KHDRBS3: variants seen among roughly 807,000 people sequenced by gnomAD.
The protein encoded by KHDRBS3 is KH RNA binding domain containing, signal transduction associated 3.
KHDRBS3 carries 23 observed loss-of-function variants against 45.6 expected under a neutral mutation model. The ratio of observed to expected loss-of-function variants is 0.50; its 90% CI spans 0.36 to 0.72. The LOEUF (loss-of-function observed/expected upper bound fraction) is 0.72. Ranked by LOEUF, KHDRBS3 falls within the 30% of genes least tolerant of loss-of-function variation. KHDRBS3 has a pLI of 0.00. For synonymous variants in KHDRBS3, 162 were observed against 156.5 expected (o/e 1.04, Z -0.26); for missense variants, 352 against 424.8 (o/e 0.83, Z 1.51).
In KHDRBS3 at chr8:135,545,647, G is replaced by GTA. The variant is rs138569478; in HGVS notation, c.324+2878_324+2879dup. ...GGCTCTTTGGGCTTGAACTGATAAT[G>GTA]TAAAGCCCCAGTCTGTCATTTTCTC... On this transcript the variant is annotated intron_variant, in intron 3 of 8. Coordinates refer to ENST00000355849, the MANE Select transcript of KHDRBS3 (RefSeq NM_006558.3). Among the ~76,000 whole-genome samples the GTA allele has an allele frequency of 2.7e-3, 417 of 152,224 alleles. 2 individuals carry two copies. Among genetic ancestry groups the GTA allele is most frequent in the Middle Eastern group, 0.017 (5 of 294 alleles).
chr8:135,562,895 G>C (rs1009445384), intron 5 of KHDRBS3, among the ~76,000 whole-genome samples: 5 of 152,146 alleles, frequency 3.3e-5, no homozygotes, highest in Admixed American at 2.6e-4. Flanking sequence ...AATCTCCAAT[G>C]AATAGCCATA....
intron 5 of KHDRBS3, among the ~76,000 whole-genome samples, chr8:135,564,688 A>G (rs1158528195): frequency 1.3e-5 from 2 of 152,144 alleles, no homozygotes. Context: ...CTAGCCTCAA[A>G]GTTCACTGCC....
chr8:135,458,044 T>G, intron 1 of KHDRBS3, 90 bp downstream of exon 1: 1 of 1,446,070 alleles, frequency 6.9e-7, no homozygotes, highest in Non-Finnish European at 9.1e-7. Context: ...TGCCCTCTGC[T>G]GTCAGCGGAC....
chr8:135,636,745 T>C (rs930733770), intron 7 of KHDRBS3, among the ~76,000 whole-genome samples: 1 of 152,200 alleles, frequency 6.6e-6, no homozygotes, highest in Non-Finnish European at 1.5e-5. Flanking sequence ...CATCATTGCC[T>C]GCGGTCACAT....
In KHDRBS3 at chr8:135,488,016, G is replaced by A. The variant is rs187637711; in HGVS notation, c.88+30062G>A. Reference sequence around the variant, plus strand: ...TGTTTTATTGTTTTCACAAATTGGTGCTGTGTGTGCATGTGCATAGGTGCA... The same window carrying A: ...TGTTTTATTGTTTTCACAAATTGGTACTGTGTGTGCATGTGCATAGGTGCA... On this transcript the variant is annotated intron_variant, in intron 1 of 8. Coordinates refer to ENST00000355849, the MANE Select transcript of KHDRBS3 (RefSeq NM_006558.3). 2.0e-5 allele frequency among the ~76,000 whole-genome samples: 3 copies of A among 152,272 alleles called. No homozygotes were observed. In the East Asian group the frequency reaches 5.8e-4, roughly 29 times the overall value.
intron 7 of KHDRBS3, among the ~76,000 whole-genome samples, chr8:135,642,475 T>C (rs530606032): frequency 4.3e-4 from 66 of 152,360 alleles, no homozygotes; most frequent in African/African-American, 1.6e-3. Context: ...TAAATTTTTT[T>C]AGGAATGCCA....
chr8:135,627,237 G>A (rs185403430), intron 7 of KHDRBS3, among the ~76,000 whole-genome samples: 8 of 152,158 alleles, frequency 5.3e-5, no homozygotes, highest in Middle Eastern at 3.4e-3. Context: ...CTTCTCTTCC[G>A]CACTCCTTCA....
chr8:135,570,709 C>G (rs756468094), intron 5 of KHDRBS3, among the ~76,000 whole-genome samples: 11 of 152,172 alleles, frequency 7.2e-5, no homozygotes, highest in Admixed American at 2.0e-4. Context: ...ACTGGGTAGT[C>G]TGTGTATTTA....
chr8:135,520,698 C>T (rs1192627370), intron 1 of KHDRBS3, among the ~76,000 whole-genome samples: 2 of 152,170 alleles, frequency 1.3e-5, no homozygotes, highest in African/African-American at 2.4e-5. Context: ...ACAAGTAGAG[C>T]GAAGAGCATT....
intron 2 of KHDRBS3, among the ~76,000 whole-genome samples, chr8:135,536,698 C>T (rs1211646102): frequency 6.6e-6 from 1 of 151,864 alleles, no homozygotes; most frequent in Non-Finnish European, 1.5e-5. Context: ...CGGTGGCTCA[C>T]GCCTGTAATC....
chr8:135,590,079 CCA>C (rs544609400), intron 6 of KHDRBS3, among the ~76,000 whole-genome samples: 20 of 152,262 alleles, frequency 1.3e-4, no homozygotes, highest in African/African-American at 4.3e-4. Context: ...TGTGTGAACA[CCA>C]TAGAGTGTTC....
chr8:135,613,959 T>G (rs1165385057), intron 7 of KHDRBS3, among the ~76,000 whole-genome samples: 1 of 151,752 alleles, frequency 6.6e-6, no homozygotes, highest in Non-Finnish European at 1.5e-5. Context: ...AATTTTTTTC[T>G]TCCAATTTTC....
intron 1 of KHDRBS3, among the ~76,000 whole-genome samples, chr8:135,508,264 A>G (rs1414108087): frequency 6.6e-6 from 1 of 152,202 alleles, no homozygotes; most frequent in Non-Finnish European, 1.5e-5. Context: ...GTAATAGAGA[A>G]TAAGGTGCTT....
chr8:135,645,085 A>C lies in KHDRBS3; in HGVS notation c.917A>C (p.His306Pro). The change falls in exon 8 of 9, where the codon CAT becomes CCT. Residue 306 changes from histidine to proline, a missense_variant. By Grantham distance (77) the His-to-Pro change is moderately conservative. Transcript: ENST00000355849. Reference protein sequence around the residue: ...QSGADYYDYGHGLSEETYDSY... With the variant: ...QSGADYYDYGPGLSEETYDSY... ...GGTGCTGATTACTATGATTACGGAC[A>C]TGGACTCAGTGAGGAGACTTATGAT... 1 of 1,613,710 alleles carries C rather than the reference A, an allele frequency of 6.2e-7. No individual in the cohort carries two copies. The highest frequency in any genetic ancestry group is 8.5e-7 in the Non-Finnish European group (1 of 1,179,896).
intron 1 of KHDRBS3, among the ~76,000 whole-genome samples, chr8:135,469,721 G>T (rs991562510): frequency 3.9e-5 from 6 of 152,132 alleles, no homozygotes; most frequent in Non-Finnish European, 7.4e-5. Flanking sequence ...TAGAGACAGG[G>T]TTACACCCTG....
intron 6 of KHDRBS3, among the ~76,000 whole-genome samples, chr8:135,585,030 T>C (rs768878194): frequency 1.6e-4 from 24 of 150,450 alleles, no homozygotes; most frequent in Non-Finnish European, 1.8e-4. Flanking sequence ...AAGACCAGCC[T>C]GGCCAACATG....
At chr8:135,523,806 C>T (rs551143847) in intron 2 of KHDRBS3, among the ~76,000 whole-genome samples, 5 of 151,882 alleles carry the variant, frequency 3.3e-5, no homozygotes, top group Admixed American at 1.3e-4. Context: ...TTCTGATCCT[C>T]GGTGGTAAAT....
At chr8:135,463,775 A>G (rs947798789) in intron 1 of KHDRBS3, among the ~76,000 whole-genome samples, 1 of 152,186 alleles carries the variant, frequency 6.6e-6, no homozygotes, top group African/African-American at 2.4e-5. Flanking sequence ...GCCAACAGCA[A>G]CTTTGATATC....
intron 1 of KHDRBS3, among the ~76,000 whole-genome samples, chr8:135,519,549 G>A (rs1824799299): frequency 6.6e-6 from 1 of 152,168 alleles, no homozygotes; most frequent in African/African-American, 2.4e-5. Context: ...AGGAGTGAGA[G>A]GCTTTGTCAG....
Sources: gnomAD v4.1 joint callset for allele counts (sites outside exome capture counted in the v4.1 genomes callset) on GRCh38, gnomAD v4.1.1 for gene constraint, MANE v1.5 for transcripts, NCBI Gene and HGNC (gene_info 2026-07-23, HGNC 2026-07-21) for gene names.